Variants in ADAMTSL1 observed in about 807,000 individuals in gnomAD.
ADAMTSL1 encodes ADAMTS like 1.
In ADAMTSL1, 126 loss-of-function variants were observed where a neutral mutation model predicts 201.8. The observed-to-expected ratio is 0.62, with a 90% CI of 0.54 to 0.72. The LOEUF is 0.72. Ranked by LOEUF, ADAMTSL1 falls within the 30% of genes least tolerant of loss-of-function variation. The pLI, the probability that ADAMTSL1 is intolerant of heterozygous loss-of-function variation, is 0.00. For missense variants in ADAMTSL1, 2,679 were observed against 2,277.8 expected (o/e 1.18, Z -3.59); for synonymous variants, 1,121 against 903.4 (o/e 1.24, Z -4.32).
At chr9:18,820,912 C>T (rs1824170573) in intron 21 of ADAMTSL1, among the ~76,000 whole-genome samples, 1 of 152,032 alleles carries the variant, frequency 6.6e-6, no homozygotes, top group Non-Finnish European at 1.5e-5. Flanking sequence ...GTGCAAAGGG[C>T]CTGAGGTAGA....
intron 23 of ADAMTSL1, among the ~76,000 whole-genome samples, chr9:18,847,471 T>C (rs1201500035): frequency 6.6e-6 from 1 of 152,114 alleles, no homozygotes; most frequent in Non-Finnish European, 1.5e-5. Context: ...CAGAAGCAAA[T>C]GGCATCATAT....
intron 2 of ADAMTSL1, among the ~76,000 whole-genome samples, chr9:18,277,676 G>C (rs1051093593): frequency 6.6e-6 from 1 of 152,156 alleles, no homozygotes; most frequent in Non-Finnish European, 1.5e-5. Context: ...TAAAGCTAAA[G>C]TGAGTCTCTT....
At chr9:18,157,943 G>T (rs931748234) in intron 1 of ADAMTSL1, among the ~76,000 whole-genome samples, 1 of 151,952 alleles carries the variant, frequency 6.6e-6, no homozygotes. Flanking sequence ...CAGTATGTAT[G>T]CATAGGTATA....
At chr9:18,646,455 C>T (rs1279920436) in intron 7 of ADAMTSL1, among the ~76,000 whole-genome samples, 4 of 151,674 alleles carry the variant, frequency 2.6e-5, no homozygotes, top group Non-Finnish European at 4.4e-5. Context: ...AGAGGGCATC[C>T]CTGTCTTGTG....
chr9:18,406,940 T>G (rs1818231568), intron 2 of ADAMTSL1, among the ~76,000 whole-genome samples: 1 of 152,178 alleles, frequency 6.6e-6, no homozygotes, highest in Non-Finnish European at 1.5e-5. Context: ...GAATTGAATT[T>G]GAGAATAAAT....
At chr9:18,770,396 G>A (rs1820620537) in intron 16 of ADAMTSL1, among the ~76,000 whole-genome samples, 1 of 152,144 alleles carries the variant, frequency 6.6e-6, no homozygotes, top group Admixed American at 6.5e-5. Context: ...TTAAATACCT[G>A]GGATTAAGAG....
chr9:17,980,026 G>A (rs937800956), intron 1 of ADAMTSL1, among the ~76,000 whole-genome samples: 2 of 152,076 alleles, frequency 1.3e-5, no homozygotes, highest in African/African-American at 4.8e-5. Flanking sequence ...TGGGGTCACT[G>A]GTAAAGTTTT....
chr9:18,141,883 G>A (rs1448487508), intron 1 of ADAMTSL1, among the ~76,000 whole-genome samples: 1 of 152,160 alleles, frequency 6.6e-6, no homozygotes, highest in Non-Finnish European at 1.5e-5. Flanking sequence ...CCACTGTGCA[G>A]CTGTGGTCAA....
chr9:18,846,731 C>G (rs1045813908), intron 23 of ADAMTSL1, among the ~76,000 whole-genome samples: 2 of 152,092 alleles, frequency 1.3e-5, no homozygotes, highest in Non-Finnish European at 2.9e-5. Context: ...CCATAGATTA[C>G]TGTGGCATAA....
chr9:18,596,671 A>G (rs1824282112), intron 4 of ADAMTSL1, among the ~76,000 whole-genome samples: 2 of 152,162 alleles, frequency 1.3e-5, no homozygotes, highest in Admixed American at 1.3e-4. Flanking sequence ...TTACAATTTT[A>G]TAGAGGAGGA....
chr9:18,443,225 A>C (rs1005175635), intron 2 of ADAMTSL1, among the ~76,000 whole-genome samples: 10 of 152,194 alleles, frequency 6.6e-5, no homozygotes, highest in Admixed American at 2.6e-4. Flanking sequence ...GGTCAATACT[A>C]AAGTTGTAAT....
intron 2 of ADAMTSL1, among the ~76,000 whole-genome samples, chr9:18,191,329 A>G (rs1026986307): frequency 6.6e-6 from 1 of 152,154 alleles, no homozygotes; most frequent in Non-Finnish European, 1.5e-5. Context: ...TGTCTTGTCC[A>G]GCCACCCTCA....
intron 2 of ADAMTSL1, among the ~76,000 whole-genome samples, chr9:18,302,400 C>T (rs1033378559): frequency 6.6e-6 from 1 of 151,486 alleles, no homozygotes; most frequent in South Asian, 2.1e-4. Flanking sequence ...TATGCTGGGG[C>T]AAAAAAAAGT....
chr9:18,388,983 C>T (rs1272609291), intron 2 of ADAMTSL1, among the ~76,000 whole-genome samples: 6 of 152,036 alleles, frequency 3.9e-5, no homozygotes, highest in Admixed American at 2.6e-4. Context: ...TCTTGAACTC[C>T]TGACCTCATG....
intron 1 of ADAMTSL1, among the ~76,000 whole-genome samples, chr9:18,116,696 A>G (rs1350992918): frequency 2.0e-5 from 3 of 151,940 alleles, no homozygotes; most frequent in Non-Finnish European, 4.4e-5. Context: ...TTCTTTTTTT[A>G]TGGTTTAAAT....
At chr9:18,842,003 A>G (rs1436415943) in intron 23 of ADAMTSL1, among the ~76,000 whole-genome samples, 15 of 151,132 alleles carry the variant, frequency 9.9e-5, no homozygotes, top group African/African-American at 3.2e-4. Flanking sequence ...TGGATTCATT[A>G]ATTTTTTGAA....
intron 1 of ADAMTSL1, among the ~76,000 whole-genome samples, chr9:18,157,881 A>G (rs907689532): frequency 6.6e-6 from 1 of 151,976 alleles, no homozygotes; most frequent in East Asian, 1.9e-4. Flanking sequence ...AGCTGTGAAC[A>G]CCTGAAGCTA....
intron 15 of ADAMTSL1, among the ~76,000 whole-genome samples, chr9:18,745,764 T>A (rs1211561333): frequency 6.6e-6 from 1 of 152,250 alleles, no homozygotes; most frequent in Non-Finnish European, 1.5e-5. Context: ...TCAATTTTAC[T>A]AGATTTATCT....
At chr9:18,823,832 TACA>T (rs906986520) in intron 21 of ADAMTSL1, among the ~76,000 whole-genome samples, 28 of 152,190 alleles carry the variant, frequency 1.8e-4, no homozygotes, top group African/African-American at 6.7e-4. Flanking sequence ...CCACTAAAAA[TACA>T]ACAATTAGCT....
Sources: allele counts gnomAD v4.1 joint callset (sites outside exome capture counted in the v4.1 genomes callset), GRCh38; gene constraint gnomAD v4.1.1; transcripts MANE v1.5; gene names NCBI Gene and HGNC (gene_info 2026-07-23, HGNC 2026-07-21).